PTPRD: variants seen among roughly 807,000 people sequenced by gnomAD.
PTPRD encodes receptor-type tyrosine-protein phosphatase delta.
PTPRD carries 34 observed loss-of-function variants against 214.5 expected under a neutral mutation model. The ratio of observed to expected loss-of-function variants is 0.16; its 90% CI spans 0.12 to 0.21. PTPRD has a LOEUF of 0.21. Among genes scored for constraint, PTPRD ranks in the 10% least tolerant of loss-of-function variants. The pLI is 1.00. For synonymous variants in PTPRD, 1,128 were observed against 845.7 expected (o/e 1.33, Z -5.79); for missense variants, 2,545 against 2,398.7 (o/e 1.06, Z -1.27).
intron 7 of PTPRD, among the ~76,000 whole-genome samples, chr9:9,613,691 G>C (rs1232428473): frequency 6.6e-6 from 1 of 152,066 alleles, no homozygotes; most frequent in African/African-American, 2.4e-5. Flanking sequence ...CAGTAAGTAT[G>C]GTTCATGGAC....
At chr9:9,084,790 G>A (rs1403151640) in intron 10 of PTPRD, among the ~76,000 whole-genome samples, 2 of 152,014 alleles carry the variant, frequency 1.3e-5, no homozygotes, top group South Asian at 4.1e-4. Context: ...CATAGTTCAC[G>A]GACTGTTGTT....
At chr9:8,914,678 C>CA (rs543226360) in intron 11 of PTPRD, among the ~76,000 whole-genome samples, 1 of 152,220 alleles carries the variant, frequency 6.6e-6, no homozygotes, top group South Asian at 2.1e-4. Flanking sequence ...TTAACTTCCA[C>CA]ATAGAATATA....
chr9:8,459,368 C>T (rs947740072), intron 33 of PTPRD, among the ~76,000 whole-genome samples: 1 of 151,768 alleles, frequency 6.6e-6, no homozygotes, highest in African/African-American at 2.4e-5. Flanking sequence ...ATATAACACA[C>T]CACAAGGAAA....
At chr9:10,252,858 A>C (rs1404881627) in intron 3 of PTPRD, among the ~76,000 whole-genome samples, 1 of 151,990 alleles carries the variant, frequency 6.6e-6, no homozygotes, top group African/African-American at 2.4e-5. Flanking sequence ...ATCTCGACTC[A>C]CTGCAACCTC....
chr9:9,654,223 A>C (rs1039916360), intron 7 of PTPRD, among the ~76,000 whole-genome samples: 1 of 152,154 alleles, frequency 6.6e-6, no homozygotes, highest in African/African-American at 2.4e-5. Context: ...ATTGTCTCCT[A>C]ATCTTAATAT....
intron 4 of PTPRD, among the ~76,000 whole-genome samples, chr9:9,994,231 C>T (rs886805049): frequency 6.6e-6 from 1 of 152,108 alleles, no homozygotes; most frequent in Non-Finnish European, 1.5e-5. Flanking sequence ...GAGAGCTCAC[C>T]CTCTTGGATG....
chr9:8,528,596 C>T lies in PTPRD; in HGVS notation c.536G>A (p.Arg179Gln), dbSNP rs2074872919. The change falls in exon 15 of 46, where the codon CGA (arginine) becomes CAA (glutamine). Residue 179 changes from arginine (R) to glutamine (Q), a missense_variant. Physicochemically the swap from Arg to Gln is conservative, Grantham distance 43. Transcript: ENST00000381196. Reference protein sequence around the residue: ...SNNNGRIKQLRSESIGGTPIR... With the variant: ...SNNNGRIKQLQSESIGGTPIR... ...AAACAGTAACAAGACCCTACCTGATCGTAACTGCTTAATACGACCATTGTT... is the reference window on the plus strand; with the variant it reads ...AAACAGTAACAAGACCCTACCTGATTGTAACTGCTTAATACGACCATTGTT... The T allele has an allele frequency of 6.8e-6, 11 of 1,613,414 alleles. No individual in the cohort carries two copies. The highest frequency in any genetic ancestry group is 2.2e-5 in the South Asian group (2 of 91,048).
At chr9:9,522,335 T>C (rs916612904) in intron 8 of PTPRD, among the ~76,000 whole-genome samples, 1 of 152,078 alleles carries the variant, frequency 6.6e-6, no homozygotes, top group Non-Finnish European at 1.5e-5. Flanking sequence ...AAGCCCATAG[T>C]AGATGGAAGG....
At chr9:9,240,678 C>T (rs2099969924) in intron 9 of PTPRD, among the ~76,000 whole-genome samples, 1 of 152,024 alleles carries the variant, frequency 6.6e-6, no homozygotes, top group Non-Finnish European at 1.5e-5. Context: ...GTAAGTGATG[C>T]TAAACTTTCT....
chr9:9,419,118 A>C (rs200342322), intron 8 of PTPRD, among the ~76,000 whole-genome samples: 154 of 129,956 alleles, frequency 1.2e-3, no homozygotes, highest in East Asian at 1.6e-3. Flanking sequence ...TTCTAAAGAT[A>C]GGCCCCTTAT....
chr9:9,442,586 T>TG (rs1445843623), intron 8 of PTPRD, among the ~76,000 whole-genome samples: 1 of 152,214 alleles, frequency 6.6e-6, no homozygotes, highest in Admixed American at 6.5e-5. Context: ...TCAAGTTCTC[T>TG]GGGGTACAGT....
intron 12 of PTPRD, among the ~76,000 whole-genome samples, chr9:8,663,743 G>A (rs995258149): frequency 4.6e-5 from 7 of 151,802 alleles, no homozygotes; most frequent in African/African-American, 7.3e-5. Context: ...TGCCCGCCTC[G>A]GCCTCCCAAA....
chr9:9,158,471 G>A (rs750430891), intron 10 of PTPRD, among the ~76,000 whole-genome samples: 31 of 152,022 alleles, frequency 2.0e-4, no homozygotes, highest in Non-Finnish European at 4.0e-4. Flanking sequence ...ATGGTGGCAC[G>A]TGCCTGTAAT....
At chr9:10,203,102 CTG>C (rs1371618079) in intron 3 of PTPRD, among the ~76,000 whole-genome samples, 1 of 151,058 alleles carries the variant, frequency 6.6e-6, no homozygotes, top group Non-Finnish European at 1.5e-5. Context: ...TGGAGGGACA[CTG>C]TGGATTTCAA....
chr9:9,627,570 TA>T (rs1369438672), intron 7 of PTPRD, among the ~76,000 whole-genome samples: 1 of 152,190 alleles, frequency 6.6e-6, no homozygotes, highest in African/African-American at 2.4e-5. Flanking sequence ...GAGGTAACGA[TA>T]AAGTGTAACA....
chr9:9,577,456 T>C (rs1252090884), intron 7 of PTPRD, among the ~76,000 whole-genome samples: 1 of 151,946 alleles, frequency 6.6e-6, no homozygotes, highest in African/African-American at 2.4e-5. Flanking sequence ...TCCCAGCCAC[T>C]TGGGGGCTTA....
At chr9:10,474,674 A>C (rs2099051629) in intron 2 of PTPRD, among the ~76,000 whole-genome samples, 1 of 152,176 alleles carries the variant, frequency 6.6e-6, no homozygotes, top group Admixed American at 6.6e-5. Flanking sequence ...CCAAATCAAC[A>C]GAATATACAC....
intron 6 of PTPRD, among the ~76,000 whole-genome samples, chr9:9,737,472 C>A (rs1564872979): frequency 6.6e-6 from 1 of 152,108 alleles, no homozygotes; most frequent in Non-Finnish European, 1.5e-5. Context: ...TAAAAGAAAA[C>A]CCTATATAGT....
At chr9:10,387,441 G>C (rs1311571156) in intron 2 of PTPRD, among the ~76,000 whole-genome samples, 2 of 151,844 alleles carry the variant, frequency 1.3e-5, no homozygotes, top group Non-Finnish European at 2.9e-5. Flanking sequence ...AGAAGGCATA[G>C]GTCTCCTCAT....
Sources: allele counts gnomAD v4.1 joint callset (sites outside exome capture counted in the v4.1 genomes callset), GRCh38; gene constraint gnomAD v4.1.1; transcripts MANE v1.5; gene names NCBI Gene and HGNC (gene_info 2026-07-23, HGNC 2026-07-21).